Variants in FBXL17 observed in about 807,000 individuals in gnomAD.
FBXL17 encodes the protein F-box/LRR-repeat protein 17.
Under a neutral mutation model 66.2 loss-of-function variants are expected in FBXL17, and 22 were observed. The ratio of observed to expected loss-of-function variants is 0.33; its 90% CI spans 0.24 to 0.47. The LOEUF (loss-of-function observed/expected upper bound fraction) is 0.47. FBXL17 is among the 20% of genes least tolerant of loss of function. The pLI is 1.00. For synonymous variants in FBXL17, 474 were observed against 400.5 expected, an observed-to-expected ratio of 1.18 and a Z score of -2.19; for missense variants, 878 against 948.2, an observed-to-expected ratio of 0.93 and a Z score of 0.97.
At chr5:108,097,817 T>C (rs1160616374) in intron 6 of FBXL17, among the ~76,000 whole-genome samples, 2 of 151,904 alleles carry the variant, frequency 1.3e-5, no homozygotes, top group Admixed American at 6.6e-5. Flanking sequence ...TTCAGAGGTG[T>C]CTTTCCTGAC....
At chr5:108,014,592 G>T (rs576714993) in intron 7 of FBXL17, among the ~76,000 whole-genome samples, 51 of 152,246 alleles carry the variant, frequency 3.3e-4, no homozygotes, top group African/African-American at 1.2e-3. Context: ...TTATTTCAAG[G>T]TTACTTAGCT....
intron 6 of FBXL17, among the ~76,000 whole-genome samples, chr5:108,080,740 C>T (rs1355121584): frequency 6.6e-6 from 1 of 151,980 alleles, no homozygotes; most frequent in African/African-American, 2.4e-5. Flanking sequence ...TTCTGATTGG[C>T]AATTGGTTGA....
At chr5:107,912,673 C>T (rs887064183) in intron 7 of FBXL17, among the ~76,000 whole-genome samples, 3 of 152,024 alleles carry the variant, frequency 2.0e-5, no homozygotes, top group Non-Finnish European at 2.9e-5. Context: ...ATGACCACTA[C>T]GAAAGTGTTT....
intron 4 of FBXL17, among the ~76,000 whole-genome samples, chr5:108,291,264 T>C (rs1758102345): frequency 1.3e-5 from 2 of 152,168 alleles, no homozygotes; most frequent in Admixed American, 1.3e-4. Context: ...CACTGATACA[T>C]GCAACAAAAA....
At chr5:108,081,869 CG>C (rs145997293) in intron 6 of FBXL17, among the ~76,000 whole-genome samples, 3,879 of 152,264 alleles carry the variant, frequency 0.025, 168 homozygotes, top group African/African-American at 0.088. Flanking sequence ...GCTTCCCTCC[CG>C]CTTCTACTCT....
intron 7 of FBXL17, among the ~76,000 whole-genome samples, chr5:107,978,465 T>C (rs1409384430): frequency 2.0e-5 from 3 of 152,218 alleles, no homozygotes; most frequent in Non-Finnish European, 4.4e-5. Context: ...GTTCCAGAGC[T>C]CATGAGATTT....
At chr5:107,928,289 G>T (rs963808690) in intron 7 of FBXL17, among the ~76,000 whole-genome samples, 1 of 151,992 alleles carries the variant, frequency 6.6e-6, no homozygotes, top group Non-Finnish European at 1.5e-5. Flanking sequence ...GACTAGCTTT[G>T]CAGGGAAATA....
In FBXL17 at chr5:108,247,343, G is replaced by T. The variant is rs905736375; in HGVS notation, c.1507-23115C>A. On this transcript the variant is annotated intron_variant, in intron 4 of 8. Transcript: ENST00000542267. ...CCATTGTAAAGAAAAAAAAAATAGG[G>T]ACAAGGGCCCAGAGATGTGAATGTA... Among the ~76,000 whole-genome samples the T allele has an allele frequency of 3.9e-5, 6 of 152,112 alleles. No individual in the cohort carries two copies. The East Asian group carries it at 9.6e-4, about 24-fold the overall frequency.
At chr5:108,191,898 C>T (rs1470244153) in intron 5 of FBXL17, among the ~76,000 whole-genome samples, 13 of 152,192 alleles carry the variant, frequency 8.5e-5, no homozygotes, top group Admixed American at 8.5e-4. Context: ...GAGTATTTTA[C>T]TTTTCTTTTT....
intron 7 of FBXL17, among the ~76,000 whole-genome samples, chr5:108,020,525 C>T (rs1455496384): frequency 3.3e-5 from 5 of 151,864 alleles, no homozygotes; most frequent in African/African-American, 1.2e-4. Flanking sequence ...TTTAGAATGT[C>T]AGCAGATATG....
At chr5:108,215,565 G>A (rs1041037989) in intron 5 of FBXL17, among the ~76,000 whole-genome samples, 2 of 152,210 alleles carry the variant, frequency 1.3e-5, no homozygotes, top group East Asian at 3.9e-4. Context: ...AAAAAATTAG[G>A]CTGTCTTTTT....
At chr5:107,925,004 T>C (rs1750478353) in intron 7 of FBXL17, among the ~76,000 whole-genome samples, 2 of 152,242 alleles carry the variant, frequency 1.3e-5, no homozygotes, top group South Asian at 4.1e-4. Flanking sequence ...CATTTTCTTT[T>C]CCTGGAAAAT....
intron 6 of FBXL17, among the ~76,000 whole-genome samples, chr5:108,176,653 T>C (rs1010949072): frequency 3.9e-5 from 6 of 152,124 alleles, no homozygotes; most frequent in African/African-American, 1.4e-4. Flanking sequence ...AATATATACA[T>C]ATCATATAGA....
intron 4 of FBXL17, among the ~76,000 whole-genome samples, chr5:108,233,341 T>C (rs1404207129): frequency 1.3e-5 from 2 of 152,144 alleles, no homozygotes; most frequent in African/African-American, 4.8e-5. Flanking sequence ...CCAGCACCAT[T>C]TGTTGAAAAG....
chr5:108,349,674 A>T (rs1278064568), intron 3 of FBXL17, among the ~76,000 whole-genome samples: 1 of 152,210 alleles, frequency 6.6e-6, no homozygotes, highest in Non-Finnish European at 1.5e-5. Context: ...AATATTTGTT[A>T]AATAAATGAA....
At chr5:107,887,925 C>T (rs1749029161) in intron 7 of FBXL17, among the ~76,000 whole-genome samples, 1 of 152,132 alleles carries the variant, frequency 6.6e-6, no homozygotes, top group South Asian at 2.1e-4. Flanking sequence ...AAAGAGCTCC[C>T]TTTTAAGGAT....
chr5:107,898,978 C>T (rs1464278182), intron 7 of FBXL17, among the ~76,000 whole-genome samples: 2 of 152,140 alleles, frequency 1.3e-5, no homozygotes, highest in Non-Finnish European at 2.9e-5. Flanking sequence ...TGGGTATATA[C>T]CCAGTAATGG....
At chr5:108,121,563 A>T (rs999934104) in intron 6 of FBXL17, among the ~76,000 whole-genome samples, 2 of 146,730 alleles carry the variant, frequency 1.4e-5, no homozygotes, top group Admixed American at 6.8e-5. Flanking sequence ...TATATTTACA[A>T]TTTTTTTTTT....
intron 3 of FBXL17, among the ~76,000 whole-genome samples, chr5:108,357,608 A>G (rs1194834820): frequency 6.6e-6 from 1 of 152,104 alleles, no homozygotes; most frequent in Non-Finnish European, 1.5e-5. Flanking sequence ...CACAAATTTA[A>G]AAGAATAAAA....
Sources: allele counts gnomAD v4.1 joint callset (sites outside exome capture counted in the v4.1 genomes callset), GRCh38; gene constraint gnomAD v4.1.1; transcripts MANE v1.5; gene names NCBI Gene and HGNC (gene_info 2026-07-23, HGNC 2026-07-21).